Variants in RNF220 observed in about 807,000 individuals in gnomAD.
The protein encoded by RNF220 is E3 ubiquitin-protein ligase RNF220.
In RNF220, 7 loss-of-function variants were observed where a neutral mutation model predicts 67.1. The observed-to-expected ratio is 0.10, with a 90% CI of 0.06 to 0.20. The LOEUF (loss-of-function observed/expected upper bound fraction) is 0.20. RNF220 is among the 10% of genes least tolerant of loss of function. The pLI is 1.00. For synonymous variants in RNF220, 270 were observed against 283.2 expected, an observed-to-expected ratio of 0.95 and a Z score of 0.47; for missense variants, 565 against 740.3, an observed-to-expected ratio of 0.76 and a Z score of 2.75.
intron 2 of RNF220, among the ~76,000 whole-genome samples, chr1:44,491,675 T>TA (rs1330627909): frequency 5.6e-4 from 85 of 152,048 alleles, no homozygotes; most frequent in African/African-American, 2.0e-3. Context: ...TTTTTTTTTT[T>TA]ACTTTTGAGA....
At chr1:44,461,091 G>A (rs531466906) in intron 2 of RNF220, among the ~76,000 whole-genome samples, 67 of 152,198 alleles carry the variant, frequency 4.4e-4, no homozygotes, top group Non-Finnish European at 7.8e-4. Flanking sequence ...GGGCAGGGAC[G>A]GTATTCATTT....
intron 2 of RNF220, among the ~76,000 whole-genome samples, chr1:44,458,262 A>G (rs1199495197): frequency 6.6e-6 from 1 of 152,028 alleles, no homozygotes. Flanking sequence ...GTCTCTTAAA[A>G]AAAAAAATAA....
At chr1:44,518,339 C>T (rs67874053) in intron 2 of RNF220, among the ~76,000 whole-genome samples, 23,592 of 152,046 alleles carry the variant, frequency 0.16, 2,175 homozygotes, top group African/African-American at 0.25. Flanking sequence ...ATAGGAGGAT[C>T]GCTTGAGCTC....
intron 2 of RNF220, among the ~76,000 whole-genome samples, chr1:44,560,451 C>A (rs1277807618): frequency 6.6e-6 from 1 of 152,144 alleles, no homozygotes; most frequent in Non-Finnish European, 1.5e-5. Flanking sequence ...AAAAAGGATG[C>A]CGGCTGGAAA....
intron 2 of RNF220, among the ~76,000 whole-genome samples, chr1:44,457,682 G>A (rs1197935156): frequency 6.6e-6 from 1 of 152,102 alleles, no homozygotes; most frequent in Non-Finnish European, 1.5e-5. Context: ...ATCTAGGGCT[G>A]TTCCATGTCT....
rs1293504555 is a variant in RNF220, at chr1:44,650,177, G to A, written c.1629+220G>A. On this transcript the variant is annotated intron_variant, in intron 14 of 14. Transcript: ENST00000361799. This position sits in a 1 kb window ranked among gnomAD's most constrained non-coding sequence, Gnocchi z 4.3. ...ACTTCTCCCCCTCCATGAGTTCACT[G>A]CATTCTCCCTTCCCCGCCCCGGTCC... The A allele has an allele frequency of 1.0e-5, 6 of 598,128 alleles. No homozygotes were observed. Among genetic ancestry groups the A allele is most frequent in the African/African-American group, 9.3e-5 (5 of 53,714 alleles). The allele number at this position is 598,128 out of a possible 1,614,324, so 37.1% of individuals were successfully genotyped here.
intron 2 of RNF220, among the ~76,000 whole-genome samples, chr1:44,520,748 A>T (rs966345905): frequency 6.6e-6 from 1 of 152,196 alleles, no homozygotes; most frequent in African/African-American, 2.4e-5. Flanking sequence ...TGTTTCCTAA[A>T]CTAGATTATA....
intron 2 of RNF220, among the ~76,000 whole-genome samples, chr1:44,482,421 C>T (rs1008366204): frequency 3.0e-4 from 46 of 152,010 alleles, no homozygotes; most frequent in African/African-American, 7.2e-5. Flanking sequence ...AACTCCAGTC[C>T]GTTCACCTTT....
chr1:44,551,196 C>A (rs2148256228), intron 2 of RNF220, among the ~76,000 whole-genome samples: 1 of 142,534 alleles, frequency 7.0e-6, no homozygotes, highest in East Asian at 2.1e-4. Context: ...CTCACTGCAA[C>A]CTTCGCCTTC....
At chr1:44,428,839 GA>G (rs2147859605) in intron 2 of RNF220, among the ~76,000 whole-genome samples, 1 of 152,242 alleles carries the variant, frequency 6.6e-6, no homozygotes, top group Non-Finnish European at 1.5e-5. Flanking sequence ...CTTGGTGGTG[GA>G]TAGAGCTTTG....
chr1:44,644,418 A>G (rs916460874), intron 8 of RNF220: 1 of 364,036 alleles, frequency 2.7e-6, no homozygotes, highest in Non-Finnish European at 5.1e-6. Flanking sequence ...GCCTGGGCTG[A>G]GTGTCCCCGA....
intron 2 of RNF220, among the ~76,000 whole-genome samples, chr1:44,431,941 A>G (rs1460448211): frequency 1.3e-5 from 2 of 152,214 alleles, no homozygotes; most frequent in African/African-American, 4.8e-5. Context: ...CTTCTCATGT[A>G]GTAGAAAGGG....
At chr1:44,457,584 G>C (rs1653323889) in intron 2 of RNF220, among the ~76,000 whole-genome samples, 1 of 151,800 alleles carries the variant, frequency 6.6e-6, no homozygotes, top group Non-Finnish European at 1.5e-5. Context: ...TTCTGGTTGA[G>C]AGTAGGGGTA....
intron 2 of RNF220, among the ~76,000 whole-genome samples, chr1:44,584,832 G>A (rs1665575107): frequency 6.6e-6 from 1 of 152,210 alleles, no homozygotes; most frequent in Non-Finnish European, 1.5e-5. Context: ...CCAAATAGCT[G>A]GGATTGCAGG....
At chr1:44,474,378 A>AAATAATAAT (rs61147848) in intron 2 of RNF220, among the ~76,000 whole-genome samples, 12 of 137,672 alleles carry the variant, frequency 8.7e-5, no homozygotes, top group Non-Finnish European at 1.5e-4. Context: ...CTGTCTCCAA[A>AAATAATAAT]AATAATAATA....
intron 2 of RNF220, among the ~76,000 whole-genome samples, chr1:44,511,917 G>GT (rs1659044461): frequency 1.4e-4 from 1 of 7,274 alleles, no homozygotes; most frequent in South Asian, 3.3e-3. Flanking sequence ...GTGTGTGTGC[G>GT]TGTGTGTGTG....
At chr1:44,428,407 A>T (rs911238349) in intron 2 of RNF220, among the ~76,000 whole-genome samples, 2 of 152,022 alleles carry the variant, frequency 1.3e-5, no homozygotes, top group Admixed American at 6.5e-5. Context: ...AGGCTGCTTT[A>T]TTTTTCCAAT....
intron 2 of RNF220, among the ~76,000 whole-genome samples, chr1:44,422,724 A>G (rs1187470876): frequency 6.6e-6 from 1 of 152,168 alleles, no homozygotes. Context: ...TTGACTCTGT[A>G]GTATTGAATC....
chr1:44,443,685 A>C (rs1299367258), intron 2 of RNF220, among the ~76,000 whole-genome samples: 1 of 152,128 alleles, frequency 6.6e-6, no homozygotes, highest in Non-Finnish European at 1.5e-5. Context: ...CCCCAAGTAC[A>C]TTTTTTTCTT....
Sources: gnomAD v4.1 joint callset for allele counts (sites outside exome capture counted in the v4.1 genomes callset) on GRCh38, gnomAD v4.1.1 for gene constraint, Gnocchi (gnomAD v3.1) non-coding constraint, MANE v1.5 for transcripts, NCBI Gene and HGNC (gene_info 2026-07-23, HGNC 2026-07-21) for gene names.